Variants in CLUAP1 observed in about 807,000 individuals in gnomAD.
CLUAP1 encodes intraflagellar transport 38, also known as clusterin-associated protein 1.
In CLUAP1, 50 loss-of-function variants were observed where a neutral mutation model predicts 55.0. That is an observed-to-expected ratio of 0.91 (90% CI 0.72 to 1.15). CLUAP1 has a LOEUF of 1.15. Ranked by LOEUF, CLUAP1 falls within the 50% of genes most tolerant of loss-of-function variation. The pLI, the probability that CLUAP1 is intolerant of heterozygous loss-of-function variation, is 0.00. For missense variants in CLUAP1, 530 were observed against 507.6 expected, an observed-to-expected ratio of 1.04 and a Z score of -0.42; for synonymous variants, 195 against 175.4, an observed-to-expected ratio of 1.11 and a Z score of -0.88.
intron 2 of CLUAP1, among the ~76,000 whole-genome samples, chr16:3,505,546 C>CAAAAAA (rs1230388490): frequency 1.7e-5 from 1 of 59,612 alleles, no homozygotes; most frequent in Non-Finnish European, 3.9e-5. Flanking sequence ...GACTCCGTCT[C>CAAAAAA]AAAAAAAAAA....
rs774543364 is a variant in CLUAP1 at position 3,536,167 on chromosome 16, G to C, written c.1138G>C (p.Glu380Gln). 4 of 1,614,148 alleles carry C rather than the reference G, an allele frequency of 2.5e-6. No individual in the cohort carries two copies. In the East Asian group the frequency reaches 8.9e-5, roughly 36 times the overall value. Residue 380 changes from glutamate (E) to glutamine (Q), a missense_variant, in exon 12 of 12, where the codon GAG becomes CAG. Glu to Gln is a conservative substitution (Grantham distance 29). Coordinates refer to ENST00000576634, the MANE Select transcript of CLUAP1 (RefSeq NM_015041.3). ...SEIDMEDDDD[E>Q]DDDLEDESIS... The stretch of plus-strand genomic sequence containing the variant: ...AATTGACATGGAAGATGATGATGAC[G>C]AGGATGACGATTTGGAAGACGAGAG...
intron 10 of CLUAP1, among the ~76,000 whole-genome samples, chr16:3,531,246 C>A (rs1177428843): frequency 7.9e-5 from 12 of 152,100 alleles, no homozygotes. Flanking sequence ...TTAAGCCAGG[C>A]GCGGTGGCTC....
intron 10 of CLUAP1, among the ~76,000 whole-genome samples, chr16:3,532,375 C>T (rs183060679): frequency 1.3e-3 from 194 of 147,224 alleles, no homozygotes; most frequent in Non-Finnish European, 1.6e-3. Context: ...TTCTTATCTA[C>T]CACCTGTTAA....
chr16:3,536,387 T>C lies in CLUAP1; in HGVS notation c.*116T>C. ...TTTACTAAGCTGGCTGGACTCATGA[T>C]CACTGAAGCAATACTTATTTCTGCT... On this transcript the variant is annotated 3_prime_UTR_variant, in exon 12 of 12. Transcript: ENST00000576634. 1 of 1,073,062 alleles carries C rather than the reference T, an allele frequency of 9.3e-7. No individual in the cohort carries two copies. The allele number at this position is 1,073,062 out of a possible 1,614,324, so 66.5% of individuals were successfully genotyped here.
At chr16:3,529,484 ATATAATTAT>A in intron 9 of CLUAP1, among the ~76,000 whole-genome samples, 1 of 81,714 alleles carries the variant, frequency 1.2e-5, no homozygotes, top group African/African-American at 5.3e-5. Flanking sequence ...ATTATATATT[ATATAATTAT>A]ATTATATTAT....
intron 4 of CLUAP1, 131 bp downstream of exon 4, chr16:3,508,599 C>T (rs374902680): frequency 6.9e-6 from 5 of 724,250 alleles, no homozygotes; most frequent in Non-Finnish European, 1.0e-5. Context: ...GTTTTGTGCT[C>T]ATCAGCATTT....
At chr16:3,522,611 A>C (rs2037861081) in intron 7 of CLUAP1, among the ~76,000 whole-genome samples, 1 of 152,056 alleles carries the variant, frequency 6.6e-6, no homozygotes, top group Non-Finnish European at 1.5e-5. Context: ...CGGCAAGGTC[A>C]GAGGATCCTC....
intron 9 of CLUAP1, among the ~76,000 whole-genome samples, chr16:3,529,881 A>G (rs1425483374): frequency 3.6e-5 from 3 of 82,390 alleles, no homozygotes; most frequent in Non-Finnish European, 6.8e-5. Flanking sequence ...TAATTTATAA[A>G]TTTATATTTA....
chr16:3,531,623 C>T (rs2038121293), intron 10 of CLUAP1, among the ~76,000 whole-genome samples: 1 of 152,168 alleles, frequency 6.6e-6, no homozygotes, highest in South Asian at 2.1e-4. Context: ...CCACTCCCAC[C>T]TGGGAGGGCT....
At chr16:3,509,601 G>A (rs972125615) in intron 4 of CLUAP1, among the ~76,000 whole-genome samples, 18 of 152,208 alleles carry the variant, frequency 1.2e-4, no homozygotes, top group African/African-American at 3.6e-4. Context: ...TAAAGGTTAA[G>A]CCGTTACTCT....
chr16:3,510,321 A>T (rs1336310993), intron 4 of CLUAP1, among the ~76,000 whole-genome samples: 2 of 146,574 alleles, frequency 1.4e-5, no homozygotes, highest in East Asian at 2.0e-4. Context: ...TTTTTAGCAG[A>T]GATGGGGTTT....
upstream of CLUAP1, chr16:3,500,867 G>A (rs555213050): frequency 1.7e-6 from 1 of 592,828 alleles, no homozygotes; most frequent in East Asian, 2.9e-5. Flanking sequence ...CTCTGCCCTC[G>A]GCGTCTCAGG....
intron 4 of CLUAP1, 131 bp from the exon 5 acceptor site, chr16:3,512,252 T>C: frequency 1.6e-6 from 1 of 636,892 alleles, no homozygotes; most frequent in Non-Finnish European, 2.9e-6. Context: ...TCCCAACACT[T>C]TGGGAGGCTG....
chr16:3,535,723 A>G (rs2038217328), intron 11 of CLUAP1: 1 of 182,548 alleles, frequency 5.5e-6, no homozygotes, highest in Admixed American at 5.5e-5. Flanking sequence ...ACCAATGTCT[A>G]TGTTGCTTTC....
upstream of CLUAP1, among the ~76,000 whole-genome samples, chr16:3,498,892 AC>A (rs776305478): frequency 3.5e-5 from 5 of 143,618 alleles, no homozygotes; most frequent in African/African-American, 1.2e-4. Context: ...ACAAACAACA[AC>A]AACAAAAAAA....
upstream of CLUAP1, among the ~76,000 whole-genome samples, chr16:3,498,675 C>T (rs1336984755): frequency 6.6e-6 from 1 of 151,842 alleles, no homozygotes; most frequent in Admixed American, 6.6e-5. Context: ...CTGGCAAACA[C>T]GGTGAAAGCC....
chr16:3,501,598 C>G (rs1481388179), intron 1 of CLUAP1, among the ~76,000 whole-genome samples: 1 of 152,022 alleles, frequency 6.6e-6, no homozygotes, highest in Non-Finnish European at 1.5e-5. Flanking sequence ...GCCTGACCAA[C>G]ATGGAGAAAC....
At chr16:3,515,272 G>T in intron 5 of CLUAP1, 1 of 360,242 alleles carries the variant, frequency 2.8e-6, no homozygotes, top group Non-Finnish European at 4.9e-6. Context: ...TCATAGAGTT[G>T]GGGTCACCTA....
intron 4 of CLUAP1, 53 bp from the exon 5 acceptor site, chr16:3,512,330 C>G: frequency 2.2e-6 from 3 of 1,380,102 alleles, no homozygotes; most frequent in Non-Finnish European, 3.1e-6. Flanking sequence ...GACCCTGTCT[C>G]TATTAAAAAA....
Sources: allele counts gnomAD v4.1 joint callset (sites outside exome capture counted in the v4.1 genomes callset), GRCh38; gene constraint gnomAD v4.1.1; transcripts MANE v1.5; gene names NCBI Gene and HGNC (gene_info 2026-07-23, HGNC 2026-07-21).